Variants in USP34 observed in about 807,000 individuals in gnomAD.
USP34 encodes the protein ubiquitin carboxyl-terminal hydrolase 34.
Under a neutral mutation model 460.3 loss-of-function variants are expected in USP34, and 70 were observed. The ratio of observed to expected loss-of-function variants is 0.15; its 90% confidence interval spans 0.13 to 0.19. The LOEUF (loss-of-function observed/expected upper bound fraction) is 0.19. USP34 is among the 10% of genes least tolerant of loss of function. The pLI is 1.00. For missense variants in USP34, 3,985 were observed against 4,236.2 expected (o/e 0.94, Z 1.65); for synonymous variants, 1,647 against 1,405.3 (o/e 1.17, Z -3.85).
chr2:61,367,364 G>A (rs752471281), intron 10 of USP34, among the ~76,000 whole-genome samples: 5 of 152,160 alleles, frequency 3.3e-5, no homozygotes, highest in African/African-American at 7.2e-5. Context: ...GTGGTGGCTC[G>A]TGTCTGTAGT....
At chr2:61,466,901 C>CAAA (rs111921570) in intron 1 of USP34, among the ~76,000 whole-genome samples, 1 of 105,662 alleles carries the variant, frequency 9.5e-6, no homozygotes, top group Non-Finnish European at 2.0e-5. Context: ...GACTCCGTGT[C>CAAA]AAAAAAAAAA....
rs1386913960 is a variant in USP34, at chr2:61,339,498, A to C, written c.2617-20T>G. The C allele has an allele frequency of 6.4e-7, 1 of 1,559,730 alleles. No individual in the cohort carries two copies. The highest frequency in any genetic ancestry group is 1.4e-5 in the African/African-American group (1 of 71,712). On this transcript the variant is annotated intron_variant, in intron 17 of 79. Coordinates refer to ENST00000398571, the MANE Select transcript of USP34 (RefSeq NM_014709.4). ...ATTAACCTATAAAAAATGTATATAA[A>C]ATTACTATTTATCCTAATTGCATCT...
At chr2:61,245,810 C>T (rs1463575040) in intron 50 of USP34, among the ~76,000 whole-genome samples, 2 of 152,100 alleles carry the variant, frequency 1.3e-5, no homozygotes, top group Non-Finnish European at 2.9e-5. Flanking sequence ...TAGAACAGTG[C>T]CTAGCACACA....
At position 61,277,895 on chromosome 2, in the gene USP34, C is replaced by G. The variant is rs192292193; in HGVS notation, c.5433+270G>C. The G allele has an allele frequency of 1.2e-3, 436 of 353,052 alleles. 4 individuals carry two copies. Among genetic ancestry groups the G allele is most frequent in the African/African-American group, 7.0e-3 (335 of 47,548 alleles). 21.9% of individuals were successfully genotyped at this position (353,052 alleles called of 1,614,324 possible). A position where few individuals can be genotyped will look rare whatever the true frequency, so the allele number is the denominator to read the frequency against. ...GATCTGATGGTTTTATAAGGAGAAA[C>G]CGCTTTCGCTTGGTTCTCATTCTTT... On this transcript the variant is annotated intron_variant, in intron 41 of 79. Coordinates refer to ENST00000398571, the MANE Select transcript of USP34 (RefSeq NM_014709.4).
At chr2:61,409,557 T>C (rs1359723201) in intron 2 of USP34, among the ~76,000 whole-genome samples, 1 of 151,902 alleles carries the variant, frequency 6.6e-6, no homozygotes, top group Non-Finnish European at 1.5e-5. Flanking sequence ...CTACTAAAAA[T>C]ACAAAAATTA....
intron 33 of USP34, among the ~76,000 whole-genome samples, chr2:61,290,674 T>G (rs1404034599): frequency 6.6e-6 from 1 of 151,934 alleles, no homozygotes; most frequent in Non-Finnish European, 1.5e-5. Context: ...CGGAACTTCT[T>G]AAGTAATGGA....
At chr2:61,231,515 C>T (rs961913413) in intron 58 of USP34, among the ~76,000 whole-genome samples, 28 of 152,108 alleles carry the variant, frequency 1.8e-4, no homozygotes, top group Admixed American at 1.6e-3. Context: ...GAATTTGAGA[C>T]CAGCCTAGGC....
chr2:61,369,807 T>C (rs1692558735), intron 10 of USP34, among the ~76,000 whole-genome samples: 1 of 150,368 alleles, frequency 6.7e-6, no homozygotes, highest in Non-Finnish European at 1.5e-5. Flanking sequence ...TATGCTACAT[T>C]TGTGAAAAAG....
intron 3 of USP34, among the ~76,000 whole-genome samples, chr2:61,396,208 A>G (rs1409763044): frequency 6.6e-6 from 1 of 152,212 alleles, no homozygotes; most frequent in African/African-American, 2.4e-5. Context: ...CTGAAGAGTT[A>G]CACGTGCTTC....
chr2:61,388,302 A>T (rs1338462546), intron 5 of USP34, among the ~76,000 whole-genome samples: 1 of 152,018 alleles, frequency 6.6e-6, no homozygotes, highest in East Asian at 1.9e-4. Context: ...TCTATAAAAA[A>T]CCAAGTCAAC....
At chr2:61,422,239 G>A (rs1404383673) in intron 1 of USP34, among the ~76,000 whole-genome samples, 1 of 152,180 alleles carries the variant, frequency 6.6e-6, no homozygotes, top group Non-Finnish European at 1.5e-5. Flanking sequence ...AGGGATCACA[G>A]TACGCCATGC....
At chr2:61,372,596 A>G (rs1026163963) in intron 8 of USP34, among the ~76,000 whole-genome samples, 15 of 152,100 alleles carry the variant, frequency 9.9e-5, no homozygotes, top group Non-Finnish European at 5.9e-5. Flanking sequence ...CTGTGGTCTC[A>G]CTTACTAAGG....
At chr2:61,262,608 C>T (rs563657852) in intron 43 of USP34, among the ~76,000 whole-genome samples, 1 of 152,060 alleles carries the variant, frequency 6.6e-6, no homozygotes, top group African/African-American at 2.4e-5. Context: ...TAGGTTGATT[C>T]CATGTTTTTG....
At chr2:61,266,274 C>T (rs940703519) in intron 41 of USP34, 107 bp from the exon 42 acceptor site, 9 of 1,062,362 alleles carry the variant, frequency 8.5e-6, no homozygotes, top group African/African-American at 3.2e-5. Flanking sequence ...TACTCAAAAA[C>T]GTATAGCAGC....
intron 75 of USP34, among the ~76,000 whole-genome samples, chr2:61,201,211 G>GTT (rs59199472): frequency 0.014 from 1,459 of 101,260 alleles, 3 homozygotes; most frequent in African/African-American, 0.019. Flanking sequence ...CTCATAGAAA[G>GTT]TTTTTTTTTT....
At chr2:61,217,265 G>T (rs995393096) in intron 67 of USP34, among the ~76,000 whole-genome samples, 5 of 152,168 alleles carry the variant, frequency 3.3e-5, no homozygotes, top group Admixed American at 2.0e-4. Flanking sequence ...AAGAGTCCTG[G>T]ATCTAGTTGT....
At chr2:61,318,190 CAA>C (rs35751865) in intron 22 of USP34, among the ~76,000 whole-genome samples, 83 of 108,148 alleles carry the variant, frequency 7.7e-4, no homozygotes, top group Non-Finnish European at 1.3e-3. Flanking sequence ...AAGCCCATCT[CAA>C]AAAAAAAAAA....
intron 75 of USP34, among the ~76,000 whole-genome samples, chr2:61,198,782 T>C (rs577481736): frequency 8.5e-5 from 13 of 152,212 alleles, no homozygotes; most frequent in East Asian, 3.9e-4. Flanking sequence ...GACAGGAGAA[T>C]TGCTTGAACC....
chr2:61,426,520 TGA>T (rs925067515), intron 1 of USP34, among the ~76,000 whole-genome samples: 3 of 151,336 alleles, frequency 2.0e-5, no homozygotes, highest in African/African-American at 4.9e-5. Context: ...GGAAAAAGAG[TGA>T]GAAGTACCAG....
Sources: allele counts gnomAD v4.1 joint callset (sites outside exome capture counted in the v4.1 genomes callset), GRCh38; gene constraint gnomAD v4.1.1; transcripts MANE v1.5; gene names NCBI Gene and HGNC (gene_info 2026-07-23, HGNC 2026-07-21).